Variants in EYA4 observed in about 807,000 individuals in gnomAD.
EYA4 encodes EYA transcriptional coactivator and phosphatase 4, also known as protein phosphatase EYA4.
EYA4 carries 31 observed loss-of-function variants against 87.9 expected under a neutral mutation model. The observed-to-expected ratio is 0.35, with a 90% confidence interval of 0.27 to 0.48. The LOEUF (loss-of-function observed/expected upper bound fraction) is 0.48, where lower values mean the gene tolerates loss of function less well. Ranked by LOEUF, EYA4 falls within the 20% of genes least tolerant of loss-of-function variation. EYA4 has a pLI of 0.99. For synonymous variants in EYA4, 263 were observed against 270.6 expected, an observed-to-expected ratio of 0.97 and a Z score of 0.28; for missense variants, 678 against 761.4, an observed-to-expected ratio of 0.89 and a Z score of 1.29.
chr6:133,398,031 A>G (rs1043367986), intron 3 of EYA4, among the ~76,000 whole-genome samples: 1 of 152,184 alleles, frequency 6.6e-6, no homozygotes, highest in African/African-American at 2.4e-5. Context: ...CCCTATGGCC[A>G]TACATTGTGA....
intron 11 of EYA4, among the ~76,000 whole-genome samples, chr6:133,476,869 T>A (rs1294068620): frequency 6.6e-6 from 1 of 152,044 alleles, no homozygotes; most frequent in Non-Finnish European, 1.5e-5. Flanking sequence ...ATCCAAAATC[T>A]CATCTTGAAT....
chr6:133,462,931 G>C (rs1243217599), intron 9 of EYA4, among the ~76,000 whole-genome samples, 167 bp downstream of exon 9: 1 of 152,106 alleles, frequency 6.6e-6, no homozygotes, highest in African/African-American at 2.4e-5. Context: ...AAATGGTTGA[G>C]TATACGTCAG....
chr6:133,244,985 A>C (rs1033971124), intron 1 of EYA4: 1 of 152,172 alleles, frequency 6.6e-6, no homozygotes, highest in African/African-American at 2.4e-5. Context: ...CACAGTTTTT[A>C]TACAGATTTC....
Position 133,435,419 on chromosome 6 carries a change from TTCC to T in EYA4, c.84-11208_84-11206del, listed in dbSNP as rs1791565109. 5 of 152,594 alleles carry T rather than the reference TTCC, an allele frequency of 3.3e-5. No individual in the cohort carries two copies. The South Asian group carries it at 1.0e-3, about 32-fold the overall frequency. The allele number at this position is 152,594 out of a possible 1,614,324, so 9.5% of individuals were successfully genotyped here. On this transcript the variant is annotated intron_variant, in intron 3 of 19. Coordinates refer to ENST00000355286, the MANE Select transcript of EYA4 (RefSeq NM_004100.5). ...TTCCTGGTCCTTGTTAAGGGTCTCC[TTCC>T]TCTTGCGGTTCCCATCTCTGCAGCT...
intron 7 of EYA4, among the ~76,000 whole-genome samples, chr6:133,461,808 TC>T (rs1369578568): frequency 8.6e-6 from 1 of 115,738 alleles, no homozygotes; most frequent in Admixed American, 9.6e-5. Context: ...GGAATGATGT[TC>T]CTTTTTTTTT....
intron 3 of EYA4, among the ~76,000 whole-genome samples, chr6:133,419,590 G>GA (rs1790043859): frequency 6.6e-6 from 1 of 152,098 alleles, no homozygotes; most frequent in African/African-American, 2.4e-5. Flanking sequence ...TATCCTGTAT[G>GA]AAAATAATTC....
At chr6:133,384,985 G>A (rs1022075799) in intron 3 of EYA4, among the ~76,000 whole-genome samples, 19 of 151,882 alleles carry the variant, frequency 1.3e-4, no homozygotes, top group Admixed American at 1.1e-3. Flanking sequence ...TACATATATG[G>A]GTACATTCTT....
chr6:133,426,155 T>C (rs1205343767), intron 3 of EYA4, among the ~76,000 whole-genome samples: 1 of 142,528 alleles, frequency 7.0e-6, no homozygotes, highest in Non-Finnish European at 1.5e-5. Flanking sequence ...TCCTCATCTA[T>C]GCCAAGTGTC....
At chr6:133,498,266 A>G (rs78316030) in intron 13 of EYA4, among the ~76,000 whole-genome samples, 14,329 of 152,180 alleles carry the variant, frequency 0.094, 1,333 homozygotes, top group East Asian at 0.26. Flanking sequence ...TGGAGGGAGA[A>G]TGACCCTGAG....
At chr6:133,379,630 T>G (rs939950764) in intron 2 of EYA4, among the ~76,000 whole-genome samples, 3 of 152,252 alleles carry the variant, frequency 2.0e-5, no homozygotes, top group Non-Finnish European at 4.4e-5. Context: ...TCAGAAGTGT[T>G]TGTCAAAAAC....
intron 13 of EYA4, among the ~76,000 whole-genome samples, chr6:133,504,703 A>G (rs958676173): frequency 2.0e-5 from 3 of 152,206 alleles, no homozygotes; most frequent in Non-Finnish European, 4.4e-5. Context: ...ATATAGGAAT[A>G]AAATGGATTA....
chr6:133,330,170 C>T (rs1781812479), intron 2 of EYA4, among the ~76,000 whole-genome samples: 1 of 152,002 alleles, frequency 6.6e-6, no homozygotes, highest in Admixed American at 6.6e-5. Context: ...GTGATATCCA[C>T]TGATAGAGAT....
At position 133,308,110 on chromosome 6, in the gene EYA4, A is replaced by T. The variant is rs988957704; in HGVS notation, c.33+33297A>T. 2.6e-5 allele frequency among the ~76,000 whole-genome samples: 4 copies of T among 152,144 alleles called. No individual in the cohort carries two copies. The East Asian group carries it at 7.7e-4, about 29-fold the overall frequency. On this transcript the variant is annotated intron_variant, in intron 2 of 19. Coordinates refer to ENST00000355286, the MANE Select transcript of EYA4 (RefSeq NM_004100.5). ...CCATGATTGTGAGGCCTCCCCAGCC[A>T]TGTGGAACTGTGAGTCAGTTAAACT...
At chr6:133,517,254 A>G (rs1403095411) in intron 17 of EYA4, among the ~76,000 whole-genome samples, 3 of 152,156 alleles carry the variant, frequency 2.0e-5, no homozygotes, top group African/African-American at 7.2e-5. Flanking sequence ...GGAGAGGATC[A>G]GCAAAAAGAA....
At chr6:133,388,408 A>AG (rs1786959671) in intron 3 of EYA4, among the ~76,000 whole-genome samples, 2 of 145,704 alleles carry the variant, frequency 1.4e-5, no homozygotes, top group Admixed American at 1.4e-4. Flanking sequence ...CTCGGTCTCA[A>AG]AAAAAAAAAA....
At chr6:133,370,721 A>C (rs922873775) in intron 2 of EYA4, among the ~76,000 whole-genome samples, 1 of 152,192 alleles carries the variant, frequency 6.6e-6, no homozygotes, top group Non-Finnish European at 1.5e-5. Context: ...TTTAAATGAA[A>C]GGCTTTTTTC....
chr6:133,281,799 T>C (rs1390152097), intron 2 of EYA4, among the ~76,000 whole-genome samples: 1 of 152,128 alleles, frequency 6.6e-6, no homozygotes, highest in Non-Finnish European at 1.5e-5. Flanking sequence ...GTTCCCACTG[T>C]CTATTGTTTC....
chr6:133,375,801 A>G (rs1238322921), intron 2 of EYA4, among the ~76,000 whole-genome samples: 1 of 151,866 alleles, frequency 6.6e-6, no homozygotes, highest in Non-Finnish European at 1.5e-5. Context: ...ATTAGAAAAT[A>G]TGAAAAATGT....
At chr6:133,454,432 T>TGA (rs1457867952) in intron 5 of EYA4, among the ~76,000 whole-genome samples, 1 of 152,216 alleles carries the variant, frequency 6.6e-6, no homozygotes, top group Non-Finnish European at 1.5e-5. Context: ...TAGTGCTGCC[T>TGA]GAGAGGCAGT....
Sources: allele counts gnomAD v4.1 joint callset (sites outside exome capture counted in the v4.1 genomes callset), GRCh38; gene constraint gnomAD v4.1.1; transcripts MANE v1.5; gene names NCBI Gene and HGNC (gene_info 2026-07-23, HGNC 2026-07-21).